MCM8: variants seen among roughly 807,000 people sequenced by gnomAD.
MCM8 encodes the protein minichromosome maintenance 8 homologous recombination repair factor.
In MCM8, 85 loss-of-function variants were observed where a neutral mutation model predicts 98.9. That is an observed-to-expected ratio of 0.86 (90% CI 0.72 to 1.03). The LOEUF is 1.03. Ranked by LOEUF, MCM8 falls within the 50% of genes least tolerant of loss-of-function variation. MCM8 has a pLI of 0.00. For missense variants in MCM8, 951 were observed against 997.8 expected (o/e 0.95, Z 0.63); for synonymous variants, 352 against 338.6 (o/e 1.04, Z -0.44).
In MCM8 at chr20:5,987,360, T is replaced by C. The variant is rs2089755160; in HGVS notation, c.2240+2T>C. On this transcript the variant is annotated splice_donor_variant, in intron 17 of 18. Coordinates refer to ENST00000610722, the MANE Select transcript of MCM8 (RefSeq NM_032485.6). LOFTEE classifies it high-confidence loss of function. ...TATAGTGGAAATTATGAAATATAGG[T>C]AAGATAAAAATTTCAAATTGTTTTA... The C allele has an allele frequency of 1.2e-6, 2 of 1,605,640 alleles. No individual in the cohort carries two copies. The highest frequency in any genetic ancestry group is 1.7e-6 in the Non-Finnish European group (2 of 1,176,670).
intron 7 of MCM8, among the ~76,000 whole-genome samples, chr20:5,959,847 C>T (rs183112474): frequency 0.01 from 1,557 of 151,984 alleles, 8 homozygotes; most frequent in Non-Finnish European, 0.013. Context: ...TACAGGCACG[C>T]GCCACCATGC....
intron 11 of MCM8, 123 bp from the exon 12 acceptor site, chr20:5,972,933 A>C (rs546430479): frequency 7.3e-7 from 1 of 1,371,438 alleles, no homozygotes; most frequent in South Asian, 1.5e-5. Flanking sequence ...TCTTAGAAAA[A>C]AATTATCATG....
intron 7 of MCM8, 52 bp downstream of exon 7, chr20:5,958,778 CAG>C: frequency 3.3e-6 from 5 of 1,493,510 alleles, no homozygotes; most frequent in Non-Finnish European, 4.6e-6. Context: ...GAAGGCAAAT[CAG>C]AATACAGAAA....
intron 14 of MCM8, 104 bp downstream of exon 14, chr20:5,983,269 C>A: frequency 1.0e-6 from 1 of 997,014 alleles, no homozygotes; most frequent in Non-Finnish European, 1.4e-6. Context: ...ATGGATATTT[C>A]ACAGAAGTTA....
At chr20:5,988,686 G>A (rs958784713) in intron 17 of MCM8, among the ~76,000 whole-genome samples, 1 of 151,946 alleles carries the variant, frequency 6.6e-6, no homozygotes, top group Non-Finnish European at 1.5e-5. Context: ...TCCTCTGATA[G>A]CAATGAAAAT....
At chr20:5,990,775 TA>T (rs1023388267) in intron 17 of MCM8, among the ~76,000 whole-genome samples, 1 of 151,944 alleles carries the variant, frequency 6.6e-6, no homozygotes, top group Non-Finnish European at 1.5e-5. Flanking sequence ...TTTTTTCCTA[TA>T]AAAAAAACAA....
rs1285937410 is a variant in MCM8, at chr20:5,994,630, T to C, written c.*239T>C. 2.1e-6 allele frequency: 1 copy of C among 485,136 alleles called. No individual in the cohort carries two copies. The highest frequency in any genetic ancestry group is 3.7e-6 in the Non-Finnish European group (1 of 268,176). 30.1% of individuals were successfully genotyped at this position (485,136 alleles called of 1,614,324 possible). ...GAAGTGATAAAGTCTCCAGATGCAG[T>C]AGCTCACACTGTAATCACAGTGACT... is the stretch of plus-strand genomic sequence containing the variant. On this transcript the variant is annotated 3_prime_UTR_variant, in exon 19 of 19. Coordinates refer to ENST00000610722, the MANE Select transcript of MCM8 (RefSeq NM_032485.6).
chr20:5,972,304 A>T (rs908280684), intron 11 of MCM8, among the ~76,000 whole-genome samples: 9 of 151,656 alleles, frequency 5.9e-5, no homozygotes, highest in Non-Finnish European at 1.2e-4. Flanking sequence ...TTTGGGGCTC[A>T]GGTCATCCTC....
chr20:5,970,098 C>T (rs2089370786), intron 10 of MCM8, among the ~76,000 whole-genome samples: 1 of 152,200 alleles, frequency 6.6e-6, no homozygotes, highest in Admixed American at 6.5e-5. Context: ...AGGCAGGCTG[C>T]CTGTTTTTGT....
At position 5,952,531 on chromosome 20, in the gene MCM8, A is replaced by T. The variant is rs774841311; in HGVS notation, c.253+3A>T. ...CTGGAAGCTTTATTTCTCTGAAGGT[A>T]GGGTTTAAAAAGTACAAAAAAGCAC... On this transcript the variant is annotated splice_donor_region_variant and intron_variant, in intron 3 of 18. Coordinates refer to ENST00000610722, the MANE Select transcript of MCM8 (RefSeq NM_032485.6). 2 of 1,610,176 alleles carry T rather than the reference A, an allele frequency of 1.2e-6. No individual in the cohort carries two copies. Among genetic ancestry groups the T allele is most frequent in the Admixed American group, 3.4e-5 (2 of 59,506 alleles).
Position 5,986,079 on chromosome 20 carries a change from A to T in MCM8, c.2111A>T (p.Asn704Ile). The change falls in exon 16 of 19, where the codon AAT (asparagine) becomes ATT (isoleucine). Residue 704 changes from asparagine to isoleucine, a missense_variant. Physicochemically the swap from Asn to Ile is moderately radical, Grantham distance 149. Transcript: ENST00000610722. The stretch of plus-strand genomic sequence containing the variant: ...CTCCGGAAACAGAGCCAGAGGTTAA[A>T]TAGCTCACCAATCACTACCAGGCAG... ...LELRKQSQRL[N>I]SSPITTRQLE... is the part of the protein sequence containing the mutation. The T allele has an allele frequency of 6.2e-7, 1 of 1,614,206 alleles. No individual in the cohort carries two copies. Among genetic ancestry groups the T allele is most frequent in the Non-Finnish European group, 8.5e-7 (1 of 1,180,038 alleles).
rs954673190 is a variant in MCM8, at chr20:5,950,675, G to A, written c.-354G>A. On this transcript the variant is annotated 5_prime_UTR_variant, in exon 1 of 19. Transcript: ENST00000610722. ...TTCTTTGAGCGGAAGTTGGATCACT[G>A]AAGCGCCAAAAAAGAATTTAGGGGA... The A allele has an allele frequency of 1.1e-3, 409 of 384,552 alleles. 1 individual carries two copies. Among genetic ancestry groups the A allele is most frequent in the Middle Eastern group, 3.4e-3 (5 of 1,456 alleles). The allele number at this position is 384,552 out of a possible 1,614,324, so 23.8% of individuals were successfully genotyped here.
chr20:5,958,489 C>T (rs2089046156), intron 6 of MCM8, 39 bp from the exon 7 acceptor site: 1 of 1,526,836 alleles, frequency 6.5e-7, no homozygotes, highest in Non-Finnish European at 9.0e-7. Flanking sequence ...ATATAAAAAA[C>T]ATCAATTTTC....
chr20:5,981,139 A>G (rs952831767), intron 13 of MCM8, among the ~76,000 whole-genome samples: 37 of 152,240 alleles, frequency 2.4e-4, no homozygotes, highest in African/African-American at 8.9e-4. Flanking sequence ...CTCCTGCTTT[A>G]TACTTTGAAA....
At chr20:5,994,140 C>T (rs1022932924) in intron 18 of MCM8, among the ~76,000 whole-genome samples, 159 bp from the exon 19 acceptor site, 3 of 151,926 alleles carry the variant, frequency 2.0e-5, no homozygotes, top group African/African-American at 7.3e-5. Context: ...TTATAGAATC[C>T]AGAACTCAAA....
rs145453948 is a variant in MCM8 at position 5,955,084 on chromosome 20, T to C, written c.337-18T>C. 3.2e-6 allele frequency: 5 copies of C among 1,542,166 alleles called. No homozygotes were observed. The African/African-American group carries it at 4.1e-5, about 13-fold the overall frequency. On this transcript the variant is annotated intron_variant, in intron 4 of 18. Coordinates refer to ENST00000610722, the MANE Select transcript of MCM8 (RefSeq NM_032485.6). ...TACAGAAAAGCAATTATTGTTTTCA[T>C]ACTTTTATATTTTATAGGATGAAAT...
At chr20:5,958,828 A>G in intron 7 of MCM8, 102 bp downstream of exon 7, 3 of 1,045,496 alleles carry the variant, frequency 2.9e-6, no homozygotes, top group Admixed American at 2.9e-5. Context: ...GCTTATTTTT[A>G]TTTTTTATTT....
chr20:5,963,131 T>G, intron 7 of MCM8, 143 bp from the exon 8 acceptor site: 1 of 635,728 alleles, frequency 1.6e-6, no homozygotes, highest in Non-Finnish European at 2.8e-6. Flanking sequence ...AGAAAGTCAT[T>G]AATCTCTCAG....
chr20:5,967,493 A>C lies in MCM8; in HGVS notation c.933A>C (p.Ile311=), dbSNP rs1568579081. The change falls in exon 9 of 19, where the codon ATA becomes ATC. Residue 311 remains isoleucine (I), a synonymous_variant. Transcript: ENST00000610722. ...AAGCAGGTCGGATTCCACGAACAATAGAATGTGAGCTTGTTCATGATCTTG... is the reference window on the plus strand; with the variant it reads ...AAGCAGGTCGGATTCCACGAACAATCGAATGTGAGCTTGTTCATGATCTTG... ...QREAGRIPRT[I]ECELVHDLVD... 6 of 1,613,984 alleles carry C rather than the reference A, an allele frequency of 3.7e-6. No homozygotes were observed. The highest frequency in any genetic ancestry group is 4.2e-6 in the Non-Finnish European group (5 of 1,179,836).
Sources: gnomAD v4.1 joint callset for allele counts (sites outside exome capture counted in the v4.1 genomes callset) on GRCh38, gnomAD v4.1.1 for gene constraint, MANE v1.5 for transcripts, NCBI Gene and HGNC (gene_info 2026-07-23, HGNC 2026-07-21) for gene names.